The following KCNMB2 variants were observed in gnomAD, a reference collection of about 807,000 sequenced individuals.
The protein encoded by KCNMB2 is potassium calcium-activated channel subfamily M regulatory beta subunit 2.
A neutral mutation model predicts 24.5 loss-of-function variants in KCNMB2; 9 were observed. The observed-to-expected ratio is 0.37, with a 90% confidence interval of 0.22 to 0.64. KCNMB2 has a LOEUF of 0.64. Ranked by LOEUF, KCNMB2 falls within the 30% of genes least tolerant of loss-of-function variation. The probability of loss-of-function intolerance (pLI) is 0.63; values close to 1 mark genes in which losing one functional copy is unlikely to be tolerated. For missense variants in KCNMB2, 226 were observed against 284.3 expected, an observed-to-expected ratio of 0.79 and a Z score of 1.47; for synonymous variants, 109 against 104.4, an observed-to-expected ratio of 1.04 and a Z score of -0.27.
chr3:178,623,200 G>A (rs1368096184), intron 1 of KCNMB2, among the ~76,000 whole-genome samples: 1 of 152,174 alleles, frequency 6.6e-6, no homozygotes, highest in African/African-American at 2.4e-5. Context: ...TCCCTAGAGG[G>A]GCAGCAGTAT....
At chr3:178,607,872 T>G (rs1393105508) in intron 1 of KCNMB2, among the ~76,000 whole-genome samples, 1 of 152,170 alleles carries the variant, frequency 6.6e-6, no homozygotes, top group African/African-American at 2.4e-5. Context: ...AGATCAATTT[T>G]TATGGGATCC....
chr3:178,710,741 G>A (rs1292377522), intron 1 of KCNMB2, among the ~76,000 whole-genome samples: 17 of 152,022 alleles, frequency 1.1e-4, no homozygotes. Context: ...GTACTAAATG[G>A]GGTAGAAAGC....
intron 1 of KCNMB2, among the ~76,000 whole-genome samples, chr3:178,636,997 C>A (rs922954133): frequency 6.6e-6 from 1 of 151,260 alleles, no homozygotes; most frequent in African/African-American, 2.4e-5. Context: ...AAAATGACTT[C>A]CAACTCCATC....
chr3:178,758,602 A>C (rs1577159376), intron 1 of KCNMB2, among the ~76,000 whole-genome samples: 1 of 44,750 alleles, frequency 2.2e-5, no homozygotes, highest in African/African-American at 9.6e-5. Flanking sequence ...GGAGATATAT[A>C]TATCTCCAAG....
chr3:178,686,986 T>G (rs1428033837), intron 1 of KCNMB2, among the ~76,000 whole-genome samples: 2 of 152,144 alleles, frequency 1.3e-5, no homozygotes, highest in Admixed American at 1.3e-4. Flanking sequence ...TATCTCTATA[T>G]TGAATCTATG....
chr3:178,583,048 G>A lies in KCNMB2; in HGVS notation c.-68+46337G>A, dbSNP rs374574948. ...TTAAAAATGGAATAATTTTCTATAT[G>A]TTCATTTGGTTATAAGAGGAAACAG... On this transcript the variant is annotated intron_variant, in intron 1 of 4. Transcript: ENST00000452583. 3.2e-4 allele frequency among the ~76,000 whole-genome samples: 49 copies of A among 152,230 alleles called. No homozygotes were observed. The South Asian group carries it at 9.9e-3, about 31-fold the overall frequency.
Position 178,599,083 on chromosome 3 carries a change from A to T in KCNMB2, c.-68+62372A>T, listed in dbSNP as rs543505961. 6.9e-4 allele frequency among the ~76,000 whole-genome samples: 105 copies of T among 152,252 alleles called. 1 individual carries two copies. The highest frequency in any genetic ancestry group is 2.4e-3 in the African/African-American group (101 of 41,554). On this transcript the variant is annotated intron_variant, in intron 1 of 4. Transcript: ENST00000452583. The stretch of plus-strand genomic sequence containing the variant: ...TGTTTTACAAAGACAAGTCCAGCAG[A>T]TGTGTGGAGAGTGGATCGAGAAAGG...
At chr3:178,830,253 C>T (rs7640247) in intron 4 of KCNMB2, among the ~76,000 whole-genome samples, 98,229 of 152,040 alleles carry the variant, frequency 0.65, 33,620 homozygotes, top group African/African-American at 0.87. Flanking sequence ...CTTCACATAG[C>T]GTTATGTTTG....
intron 1 of KCNMB2, among the ~76,000 whole-genome samples, chr3:178,728,377 GC>G (rs1331429526): frequency 2.0e-5 from 3 of 152,240 alleles, no homozygotes; most frequent in Admixed American, 6.5e-5. Flanking sequence ...AACATGATGG[GC>G]CAAAATGGGG....
chr3:178,659,652 C>A (rs949114359), intron 1 of KCNMB2, among the ~76,000 whole-genome samples: 1 of 152,184 alleles, frequency 6.6e-6, no homozygotes, highest in Non-Finnish European at 1.5e-5. Context: ...AGCTTGGCTT[C>A]TGTGCAGCCT....
At chr3:178,631,258 C>T (rs575013981) in intron 1 of KCNMB2, among the ~76,000 whole-genome samples, 1 of 152,160 alleles carries the variant, frequency 6.6e-6, no homozygotes, top group Non-Finnish European at 1.5e-5. Context: ...ACTGATAAAC[C>T]TCTCAGTACT....
intron 1 of KCNMB2, among the ~76,000 whole-genome samples, chr3:178,766,771 T>A (rs1302332030): frequency 6.6e-6 from 1 of 152,186 alleles, no homozygotes; most frequent in Non-Finnish European, 1.5e-5. Context: ...CATAAATGGT[T>A]TTAAAAGAGT....
chr3:178,579,727 A>C (rs1252623032), intron 1 of KCNMB2, among the ~76,000 whole-genome samples: 1 of 152,224 alleles, frequency 6.6e-6, no homozygotes, highest in African/African-American at 2.4e-5. Flanking sequence ...CTACCATCAG[A>C]GAACACTATA....
At chr3:178,557,681 A>C (rs1440116583) in intron 1 of KCNMB2, among the ~76,000 whole-genome samples, 1 of 152,240 alleles carries the variant, frequency 6.6e-6, no homozygotes, top group Non-Finnish European at 1.5e-5. Flanking sequence ...AGATAGAAGA[A>C]TAGTAACGTT....
At chr3:178,711,854 A>G (rs979656396) in intron 1 of KCNMB2, among the ~76,000 whole-genome samples, 4 of 152,204 alleles carry the variant, frequency 2.6e-5, no homozygotes, top group Non-Finnish European at 4.4e-5. Flanking sequence ...TCCTTAGAAA[A>G]TTATGTAATT....
rs146566491 is a variant in KCNMB2 at position 178,640,727 on chromosome 3, T to C, written c.-68+104016T>C. On this transcript the variant is annotated intron_variant, in intron 1 of 4. Coordinates refer to ENST00000452583, the MANE Select transcript of KCNMB2 (RefSeq NM_181361.3). Reference sequence around the variant, plus strand: ...AAAGTTCAACTTATTGGTTTTTCTCTCATAGATTGTGCTTTGGGGGTTGTA... The same window carrying C: ...AAAGTTCAACTTATTGGTTTTTCTCCCATAGATTGTGCTTTGGGGGTTGTA... Among the ~76,000 whole-genome samples the C allele has an allele frequency of 1.6e-4, 25 of 152,316 alleles. No homozygotes were observed. In the East Asian group the frequency reaches 4.8e-3, roughly 29 times the overall value.
intron 1 of KCNMB2, among the ~76,000 whole-genome samples, chr3:178,645,045 A>ATTTTTT (rs10576689): frequency 9.7e-5 from 9 of 92,446 alleles, no homozygotes; most frequent in Non-Finnish European, 1.7e-4. Flanking sequence ...AAGATCCAAG[A>ATTTTTT]TTTTTTTTTT....
chr3:178,582,227 C>G (rs1381007466), intron 1 of KCNMB2, among the ~76,000 whole-genome samples: 1 of 152,162 alleles, frequency 6.6e-6, no homozygotes, highest in African/African-American at 2.4e-5. Context: ...ATGGATGAAG[C>G]TGGAAACTAT....
intron 4 of KCNMB2, among the ~76,000 whole-genome samples, chr3:178,833,921 T>C (rs1715133514): frequency 6.6e-6 from 1 of 152,108 alleles, no homozygotes; most frequent in African/African-American, 2.4e-5. Flanking sequence ...CTGCCTCCCT[T>C]GGCTACAAGG....
Sources: allele counts gnomAD v4.1 joint callset (sites outside exome capture counted in the v4.1 genomes callset), GRCh38; gene constraint gnomAD v4.1.1; transcripts MANE v1.5; gene names NCBI Gene and HGNC (gene_info 2026-07-23, HGNC 2026-07-21).